Variants in MEGF11 observed in about 807,000 individuals in gnomAD.
MEGF11 encodes the protein multiple epidermal growth factor-like domains protein 11.
MEGF11 carries 126 observed loss-of-function variants against 146.6 expected under a neutral mutation model. That is an observed-to-expected ratio of 0.86 (90% confidence interval 0.74 to 1.00). The LOEUF (loss-of-function observed/expected upper bound fraction) is 1.00. Among genes scored for constraint, MEGF11 ranks in the 50% least tolerant of loss-of-function variants. MEGF11 has a pLI of 0.00. For missense variants in MEGF11, 1,509 were observed against 1,521.2 expected (o/e 0.99, Z 0.13); for synonymous variants, 532 against 583.4 (o/e 0.91, Z 1.27).
At chr15:66,225,524 A>G (rs904026809) in intron 1 of MEGF11, among the ~76,000 whole-genome samples, 2 of 152,164 alleles carry the variant, frequency 1.3e-5, no homozygotes, top group Non-Finnish European at 2.9e-5. Context: ...CTTCCTAATG[A>G]TGCCCTTTGG....
chr15:66,174,100 G>T (rs1233779740), intron 1 of MEGF11, among the ~76,000 whole-genome samples: 2 of 152,190 alleles, frequency 1.3e-5, no homozygotes, highest in African/African-American at 4.8e-5. Context: ...ATTCTGGCCT[G>T]GTCTCAATTA....
intron 10 of MEGF11, among the ~76,000 whole-genome samples, chr15:65,938,801 A>G (rs1418787507): frequency 6.6e-6 from 1 of 152,226 alleles, no homozygotes; most frequent in African/African-American, 2.4e-5. Context: ...ACCTGCCTCC[A>G]TGCATAACAT....
chr15:65,963,441 C>T (rs76422749), intron 9 of MEGF11, among the ~76,000 whole-genome samples: 1 of 152,106 alleles, frequency 6.6e-6, no homozygotes, highest in South Asian at 2.1e-4. Context: ...TGTACTTCTC[C>T]TCTACATTTT....
intron 2 of MEGF11, among the ~76,000 whole-genome samples, chr15:66,125,488 G>T (rs2088291742): frequency 6.6e-6 from 1 of 152,226 alleles, no homozygotes; most frequent in Non-Finnish European, 1.5e-5. Flanking sequence ...AGGAGGGCGA[G>T]TTTGAAGCCT....
Position 65,995,028 on chromosome 15 carries a change from T to A in MEGF11, c.395-12540A>T, listed in dbSNP as rs567562732. Among the ~76,000 whole-genome samples, 7 of 152,226 alleles carry A rather than the reference T, an allele frequency of 4.6e-5. No homozygotes were observed. The East Asian group carries it at 1.4e-3, about 29-fold the overall frequency. On this transcript the variant is annotated intron_variant, in intron 5 of 25. Transcript: ENST00000395614. ...TCAAAGTGCATTGGGAGCTTGGGTGTGGTGGGGAAGGGGTTAATCTACCTA... is the reference window on the plus strand; with the variant it reads ...TCAAAGTGCATTGGGAGCTTGGGTGAGGTGGGGAAGGGGTTAATCTACCTA...
At chr15:66,240,119 C>T (rs1225959869) in intron 1 of MEGF11, among the ~76,000 whole-genome samples, 1 of 152,212 alleles carries the variant, frequency 6.6e-6, no homozygotes, top group Non-Finnish European at 1.5e-5. Flanking sequence ...AAAGCACCAG[C>T]ACAAAGACTT....
chr15:66,057,901 G>A (rs1567221547), intron 5 of MEGF11, among the ~76,000 whole-genome samples: 1 of 152,076 alleles, frequency 6.6e-6, no homozygotes, highest in Non-Finnish European at 1.5e-5. Context: ...AGTTTATCAG[G>A]AACAGTTATT....
chr15:66,151,520 ACC>A (rs2089571698), intron 1 of MEGF11, among the ~76,000 whole-genome samples: 1 of 152,018 alleles, frequency 6.6e-6, no homozygotes, highest in Admixed American at 6.6e-5. Context: ...AAGGAAGCTC[ACC>A]ACACCAGACA....
chr15:66,005,568 G>C (rs185796907), intron 5 of MEGF11, among the ~76,000 whole-genome samples: 1 of 152,344 alleles, frequency 6.6e-6, no homozygotes, highest in Non-Finnish European at 1.5e-5. Flanking sequence ...AAGAATCCTT[G>C]AGAAAGTTTT....
At position 66,060,231 on chromosome 15, in the gene MEGF11, A is replaced by T. The variant is rs150970036; in HGVS notation, c.394+34171T>A. Among the ~76,000 whole-genome samples, 1,002 of 152,184 alleles carry T rather than the reference A, an allele frequency of 6.6e-3. 3 individuals carry two copies. Among genetic ancestry groups the T allele is most frequent in the Admixed American group, 9.7e-3 (148 of 15,296 alleles). On this transcript the variant is annotated intron_variant, in intron 5 of 25. Coordinates refer to ENST00000395614, the MANE Select transcript of MEGF11 (RefSeq NM_001385028.1). ...GAAAGAGAAGGCAGGGAGGTGGAGGACAGAGAGACAGAGACACGGCAAAAG... is the reference window on the plus strand; with the variant it reads ...GAAAGAGAAGGCAGGGAGGTGGAGGTCAGAGAGACAGAGACACGGCAAAAG...
At chr15:66,098,085 C>G (rs1443138451) in intron 4 of MEGF11, among the ~76,000 whole-genome samples, 2 of 152,152 alleles carry the variant, frequency 1.3e-5, no homozygotes, top group South Asian at 2.1e-4. Context: ...GGAATTTGTT[C>G]CACAAATGCA....
intron 1 of MEGF11, among the ~76,000 whole-genome samples, chr15:66,185,573 T>C (rs2090672993): frequency 6.6e-6 from 1 of 152,200 alleles, no homozygotes; most frequent in Admixed American, 6.5e-5. Flanking sequence ...CGCACTGGCC[T>C]GAGCATGTGA....
intron 1 of MEGF11, among the ~76,000 whole-genome samples, chr15:66,203,576 C>G: frequency 6.6e-6 from 1 of 152,340 alleles, no homozygotes; most frequent in East Asian, 1.9e-4. Context: ...CCAAGGAGAA[C>G]TCTGACCAGA....
chr15:66,129,315 G>A (rs1185740825), intron 1 of MEGF11, among the ~76,000 whole-genome samples: 9 of 152,334 alleles, frequency 5.9e-5, no homozygotes, highest in South Asian at 2.1e-4. Flanking sequence ...CAAGGGTTGC[G>A]ACCTGGTGGG....
chr15:65,963,522 T>C (rs2080944254), intron 9 of MEGF11, among the ~76,000 whole-genome samples: 1 of 151,302 alleles, frequency 6.6e-6, no homozygotes, highest in Non-Finnish European at 1.5e-5. Context: ...CATGGTTCAG[T>C]TGATAGAATT....
intron 4 of MEGF11, among the ~76,000 whole-genome samples, 191 bp from the exon 5 acceptor site, chr15:66,094,685 A>G (rs1332202577): frequency 6.6e-6 from 1 of 152,174 alleles, no homozygotes; most frequent in Non-Finnish European, 1.5e-5. Flanking sequence ...AATGGATCCT[A>G]CAAGAGTACA....
At chr15:65,951,409 G>A (rs1433626981) in intron 10 of MEGF11, among the ~76,000 whole-genome samples, 1 of 152,176 alleles carries the variant, frequency 6.6e-6, no homozygotes, top group Non-Finnish European at 1.5e-5. Flanking sequence ...GTTTGTGGCT[G>A]GGCACAGTGG....
At chr15:66,196,941 G>A (rs1034584807) in intron 1 of MEGF11, among the ~76,000 whole-genome samples, 4 of 152,166 alleles carry the variant, frequency 2.6e-5, no homozygotes, top group Admixed American at 6.5e-5. Context: ...GATGTACCTC[G>A]TTTATATGAG....
chr15:66,126,995 C>T (rs996878569), intron 2 of MEGF11, among the ~76,000 whole-genome samples: 2 of 152,234 alleles, frequency 1.3e-5, no homozygotes, highest in Non-Finnish European at 2.9e-5. Context: ...TGCAAAGCCA[C>T]AGTTGTCAAC....
Sources: gnomAD v4.1 joint callset for allele counts (sites outside exome capture counted in the v4.1 genomes callset) on GRCh38, gnomAD v4.1.1 for gene constraint, MANE v1.5 for transcripts, NCBI Gene and HGNC (gene_info 2026-07-23, HGNC 2026-07-21) for gene names.